TRNAU1AP: variants seen among roughly 807,000 people sequenced by gnomAD.
TRNAU1AP encodes tRNA selenocysteine 1 associated protein 1, also known as tRNA selenocysteine 1-associated protein 1.
In TRNAU1AP, 33 loss-of-function variants were observed where a neutral mutation model predicts 43.3. The observed-to-expected ratio is 0.76, with a 90% CI of 0.58 to 1.02. The LOEUF (loss-of-function observed/expected upper bound fraction) is 1.02. Among genes scored for constraint, TRNAU1AP ranks in the 50% least tolerant of loss-of-function variants. The pLI is 0.00. For missense variants in TRNAU1AP, 290 were observed against 362.7 expected (o/e 0.80, Z 1.63); for synonymous variants, 143 against 129.1 (o/e 1.11, Z -0.73).
At chr1:28,557,845 C>T (rs1665304456) in intron 2 of TRNAU1AP, among the ~76,000 whole-genome samples, 1 of 151,994 alleles carries the variant, frequency 6.6e-6, no homozygotes, top group African/African-American at 2.4e-5. Context: ...CCTTGGCCTC[C>T]CAAAGTTCTG....
At chr1:28,572,123 G>C (rs1665674759) in intron 8 of TRNAU1AP, among the ~76,000 whole-genome samples, 1 of 152,234 alleles carries the variant, frequency 6.6e-6, no homozygotes, top group East Asian at 1.9e-4. Flanking sequence ...AGCTCCAGGA[G>C]AGCCCATCAC....
chr1:28,576,950 C>T (rs1665801085), intron 8 of TRNAU1AP, among the ~76,000 whole-genome samples: 1 of 152,098 alleles, frequency 6.6e-6, no homozygotes, highest in Non-Finnish European at 1.5e-5. Flanking sequence ...CCTGTAATCT[C>T]AGTACTTTGG....
chr1:28,564,849 G>C lies in TRNAU1AP; in HGVS notation c.410+15G>C. 1 of 1,613,746 alleles carries C rather than the reference G, an allele frequency of 6.2e-7. No individual in the cohort carries two copies. Among genetic ancestry groups the C allele is most frequent in the African/African-American group, 1.3e-5 (1 of 75,020 alleles). ...GGCGTGTCTAAGTAAGGCCTTACTT[G>C]TTACTGATGCTTAACTGTGTTAGTT... On this transcript the variant is annotated intron_variant, in intron 5 of 8. Transcript: ENST00000373830.
intron 5 of TRNAU1AP, among the ~76,000 whole-genome samples, chr1:28,566,085 C>T (rs985050693): frequency 3.3e-5 from 5 of 151,884 alleles, no homozygotes; most frequent in African/African-American, 1.2e-4. Context: ...GGGAGACAGG[C>T]GGGTGGATCA....
chr1:28,571,302 T>A lies in TRNAU1AP; in HGVS notation c.657T>A (p.Ser219Arg). ...AGAACACAGGCAGCTACAGCTACAG[T>A]TACCCCCAGTATGGCTATACCCAGA... is the stretch of plus-strand genomic sequence containing the variant. ...YDQNTGSYSY[S>R]YPQYGYTQST... Residue 219 changes from serine (S) to arginine (R), a missense_variant, in exon 7 of 9, where the codon AGT becomes AGA. Coordinates refer to ENST00000373830, the MANE Select transcript of TRNAU1AP (RefSeq NM_017846.5). 2.5e-6 allele frequency: 4 copies of A among 1,613,960 alleles called. No individual in the cohort carries two copies. Among genetic ancestry groups the A allele is most frequent in the Non-Finnish European group, 3.4e-6 (4 of 1,179,916 alleles).
intron 6 of TRNAU1AP, 82 bp from the exon 7 acceptor site, chr1:28,571,094 C>T: frequency 7.3e-7 from 1 of 1,371,988 alleles, no homozygotes; most frequent in Non-Finnish European, 1.0e-6. Context: ...CGGTATAAAG[C>T]ACTTAAAATA....
intron 8 of TRNAU1AP, among the ~76,000 whole-genome samples, chr1:28,572,802 A>G (rs1188568138): frequency 1.3e-5 from 2 of 151,048 alleles, no homozygotes; most frequent in Admixed American, 6.6e-5. Flanking sequence ...GGGTGTGGTG[A>G]TGGGCGCCTG....
rs1403278605 is a variant in TRNAU1AP, at chr1:28,571,847, C to T, written c.694-20C>T. The stretch of plus-strand genomic sequence containing the variant: ...AGGATTTCACCATGCCCCTAACCCA[C>T]ATCTCTGGTCTCTTGGCAGACATAT... On this transcript the variant is annotated intron_variant, in intron 7 of 8. Coordinates refer to ENST00000373830, the MANE Select transcript of TRNAU1AP (RefSeq NM_017846.5). 6.2e-7 allele frequency: 1 copy of T among 1,611,764 alleles called. No homozygotes were observed. Among genetic ancestry groups the T allele is most frequent in the Admixed American group, 1.7e-5 (1 of 59,902 alleles).
At chr1:28,561,848 G>T (rs1368170309) in intron 4 of TRNAU1AP, among the ~76,000 whole-genome samples, 3 of 152,144 alleles carry the variant, frequency 2.0e-5, no homozygotes, top group Non-Finnish European at 4.4e-5. Flanking sequence ...CAAGGCGGGC[G>T]GATCACGAGG....
chr1:28,575,629 ATTTTCTTT>A lies in TRNAU1AP; in HGVS notation c.728-1858_728-1851del, dbSNP rs1665760293. On this transcript the variant is annotated intron_variant, in intron 8 of 8. Coordinates refer to ENST00000373830, the MANE Select transcript of TRNAU1AP (RefSeq NM_017846.5). ...AGGCATGCGCCATCATGCCCAGCTA[ATTTTCTTT>A]TTTTCTTTTTTTGAGACGGAGTCTT... Among the ~76,000 whole-genome samples the A allele has an allele frequency of 3.3e-5, 4 of 122,180 alleles. 1 individual carries two copies. In the South Asian group the frequency reaches 7.7e-4, roughly 23 times the overall value. 80.2% of individuals were successfully genotyped at this position (122,180 alleles called of 152,430 possible).
chr1:28,558,277 G>A (rs1221253190), intron 2 of TRNAU1AP, among the ~76,000 whole-genome samples: 7 of 145,608 alleles, frequency 4.8e-5, no homozygotes, highest in East Asian at 4.0e-4. Context: ...GTGCAGTGGC[G>A]TGATGTTGGC....
At chr1:28,575,851 C>A (rs1665766378) in intron 8 of TRNAU1AP, among the ~76,000 whole-genome samples, 1 of 143,958 alleles carries the variant, frequency 6.9e-6, no homozygotes, top group Non-Finnish European at 1.5e-5. Context: ...AGCCACTGCG[C>A]CTGGCTTTTT....
At chr1:28,570,040 G>A (rs1196705710) in intron 6 of TRNAU1AP, among the ~76,000 whole-genome samples, 1 of 151,984 alleles carries the variant, frequency 6.6e-6, no homozygotes, top group Non-Finnish European at 1.5e-5. Context: ...GCGGGGTGCT[G>A]TGGCTCACGC....
At chr1:28,554,585 TA>T (rs1665215062) in intron 2 of TRNAU1AP, among the ~76,000 whole-genome samples, 1 of 152,140 alleles carries the variant, frequency 6.6e-6, no homozygotes. Flanking sequence ...CTCTCGCCTG[TA>T]ATCCTAGCAC....
In TRNAU1AP at chr1:28,571,193, T is replaced by C. The variant is rs781327257; in HGVS notation, c.548T>C (p.Val183Ala). 1 of 1,614,074 alleles carries C rather than the reference T, an allele frequency of 6.2e-7. No individual in the cohort carries two copies. ...AIPKASRVKP[V>A]EYSQMYSYSY... ...CATTTAAGGAGCCGTGTAAAGCCAG[T>C]GGAATATAGTCAGATGTACAGTTAT... Residue 183 changes from valine (V) to alanine (A), a missense_variant, in exon 7 of 9, where the codon GTG becomes GCG. This residue lies in a region of TRNAU1AP where 174 missense variants were observed against 262.1 expected (regional missense o/e 0.66). Coordinates refer to ENST00000373830, the MANE Select transcript of TRNAU1AP (RefSeq NM_017846.5).
intron 8 of TRNAU1AP, among the ~76,000 whole-genome samples, chr1:28,575,053 C>T (rs903071175): frequency 9.2e-5 from 14 of 152,296 alleles, no homozygotes; most frequent in Admixed American, 4.6e-4. Flanking sequence ...ATATTCAAGT[C>T]TCTAGTTGTT....
chr1:28,556,001 C>A (rs1665254414), intron 2 of TRNAU1AP, among the ~76,000 whole-genome samples: 1 of 152,086 alleles, frequency 6.6e-6, no homozygotes, highest in South Asian at 2.1e-4. Context: ...CTACAGGCGC[C>A]CGCCACCACG....
intron 1 of TRNAU1AP, 48 bp downstream of exon 1, chr1:28,553,185 G>C (rs1557429663): frequency 6.9e-7 from 1 of 1,458,352 alleles, no homozygotes; most frequent in Admixed American, 2.7e-5. Flanking sequence ...AAGCATCTCG[G>C]TTTCGCGAGA....
At chr1:28,559,251 C>G (rs918137066) in intron 2 of TRNAU1AP, among the ~76,000 whole-genome samples, 14 of 151,908 alleles carry the variant, frequency 9.2e-5, no homozygotes, top group African/African-American at 2.9e-4. Flanking sequence ...TTTTGAGTCT[C>G]TTTTAATGTA....
Sources: allele counts gnomAD v4.1 joint callset (sites outside exome capture counted in the v4.1 genomes callset), GRCh38; gene constraint gnomAD v4.1.1; regional missense constraint gnomAD v4.1.1; transcripts MANE v1.5; gene names NCBI Gene and HGNC (gene_info 2026-07-23, HGNC 2026-07-21).